Variants in MTARC2 observed in about 807,000 individuals in gnomAD.
The protein encoded by MTARC2 is MOCO sulphurase C-terminal domain containing 2.
In MTARC2, 27 loss-of-function variants were observed where a neutral mutation model predicts 35.6. That is an observed-to-expected ratio of 0.76 (90% confidence interval 0.56 to 1.04). The LOEUF (loss-of-function observed/expected upper bound fraction) is 1.04, where lower values mean the gene tolerates loss of function less well. Ranked by LOEUF, MTARC2 falls within the 50% of genes least tolerant of loss-of-function variation. The probability of loss-of-function intolerance (pLI) is 0.00; values close to 1 mark genes in which losing one functional copy is unlikely to be tolerated. For synonymous variants in MTARC2, 158 were observed against 167.1 expected (o/e 0.95, Z 0.42); for missense variants, 412 against 432.5 (o/e 0.95, Z 0.42).
intron 1 of MTARC2, among the ~76,000 whole-genome samples, chr1:220,752,165 G>A (rs1671141281): frequency 6.6e-6 from 1 of 152,172 alleles, no homozygotes. Flanking sequence ...AGGCCAGGCT[G>A]TGAGCCACGG....
chr1:220,770,745 C>A (rs1454451436), intron 4 of MTARC2, among the ~76,000 whole-genome samples: 4 of 152,220 alleles, frequency 2.6e-5, no homozygotes, highest in Non-Finnish European at 5.9e-5. Context: ...GTGGGACCAC[C>A]CAGCCAAGCC....
rs1032084577 is a variant in MTARC2, at chr1:220,784,184, T to C, written c.*297T>C. 2.3e-6 allele frequency: 1 copy of C among 429,922 alleles called. No homozygotes were observed. Among genetic ancestry groups the C allele is most frequent in the Non-Finnish European group, 4.1e-6 (1 of 241,090 alleles). The allele number at this position is 429,922 out of a possible 1,614,324, so 26.6% of individuals were successfully genotyped here. ...GCTATTTTGAATGTTATCATGGCTA[T>C]TACACTTTTACTTCCTGACTTTAAT... On this transcript the variant is annotated 3_prime_UTR_variant, in exon 8 of 8. Coordinates refer to ENST00000366913, the MANE Select transcript of MTARC2 (RefSeq NM_017898.5).
intron 4 of MTARC2, among the ~76,000 whole-genome samples, chr1:220,777,155 G>A (rs1405301217): frequency 6.6e-6 from 1 of 152,204 alleles, no homozygotes; most frequent in African/African-American, 2.4e-5. Context: ...TCAACTGGTT[G>A]GTTGGACCGT....
Position 220,781,887 on chromosome 1 carries a change from T to C in MTARC2, c.994T>C (p.Tyr332His). 1.2e-6 allele frequency: 2 copies of C among 1,614,190 alleles called. No individual in the cohort carries two copies. Among genetic ancestry groups the C allele is most frequent in the Non-Finnish European group, 1.7e-6 (2 of 1,180,008 alleles). ...IGSLRVGDPV[Y>H]RMV ...AAGCCTGAGAGTTGGTGACCCTGTG[T>C]ATCGGATGGTGTAGTGATGAGTGAT... Residue 332 changes from tyrosine to histidine, a missense_variant, in exon 7 of 8, where the codon TAT (tyrosine) becomes CAT (histidine). Transcript: ENST00000366913.
intron 4 of MTARC2, 111 bp from the exon 5 acceptor site, chr1:220,779,907 T>A (rs547945652): frequency 2.5e-6 from 2 of 803,314 alleles, no homozygotes; most frequent in Admixed American, 3.8e-5. Context: ...TGTCACCTTG[T>A]GCTGCTTTCT....
rs1238284323 is a variant in MTARC2 at position 220,748,349 on chromosome 1, T to C, written c.-183T>C. On this transcript the variant is annotated 5_prime_UTR_variant, in exon 1 of 8. Coordinates refer to ENST00000366913, the MANE Select transcript of MTARC2 (RefSeq NM_017898.5). ...TTACCGCGCAGGCTTGGTCACCGCA[T>C]TAAGGCATTCCCGCTCTCCGCGGAA... is the stretch of plus-strand genomic sequence containing the variant. 1.7e-6 allele frequency: 1 copy of C among 575,420 alleles called. No individual in the cohort carries two copies. Among genetic ancestry groups the C allele is most frequent in the Non-Finnish European group, 2.6e-6 (1 of 383,710 alleles). 35.6% of individuals were successfully genotyped at this position (575,420 alleles called of 1,614,324 possible). A position where few individuals can be genotyped will look rare whatever the true frequency, so the allele number is the denominator to read the frequency against.
chr1:220,771,809 G>T (rs1455263687), intron 4 of MTARC2, among the ~76,000 whole-genome samples: 2 of 151,994 alleles, frequency 1.3e-5, no homozygotes, highest in East Asian at 3.9e-4. Flanking sequence ...TGCACGTGGG[G>T]CTTAAAACCT....
chr1:220,775,644 G>C (rs1054149341), intron 4 of MTARC2, among the ~76,000 whole-genome samples: 22 of 152,096 alleles, frequency 1.4e-4, no homozygotes, highest in Non-Finnish European at 3.1e-4. Flanking sequence ...AATAAGCATA[G>C]TACCCTATAG....
chr1:220,763,897 T>A (rs1190807546), intron 4 of MTARC2, among the ~76,000 whole-genome samples: 1 of 152,204 alleles, frequency 6.6e-6, no homozygotes, highest in South Asian at 2.1e-4. Flanking sequence ...TGTTATACAC[T>A]TTGCCTAGCA....
chr1:220,762,334 C>T (rs939924540), intron 3 of MTARC2, among the ~76,000 whole-genome samples: 2 of 152,150 alleles, frequency 1.3e-5, no homozygotes, highest in South Asian at 2.1e-4. Flanking sequence ...AGAGTGCCGA[C>T]ATGTACGATG....
At chr1:220,762,627 A>T (rs1671469314) in intron 3 of MTARC2, among the ~76,000 whole-genome samples, 1 of 152,116 alleles carries the variant, frequency 6.6e-6, no homozygotes, top group Non-Finnish European at 1.5e-5. Context: ...TGATGGGGGA[A>T]GGGGGTCGCT....
At chr1:220,756,240 C>T (rs1671277671) in intron 2 of MTARC2, 1 of 152,164 alleles carries the variant, frequency 6.6e-6, no homozygotes, top group South Asian at 2.1e-4. Flanking sequence ...CCCTTGTCAC[C>T]AACTGAGCTT....
chr1:220,760,676 T>C (rs532415472), intron 2 of MTARC2, among the ~76,000 whole-genome samples: 52 of 152,358 alleles, frequency 3.4e-4, no homozygotes, highest in African/African-American at 1.1e-3. Context: ...TAAATCATAA[T>C]TGTAATGATA....
chr1:220,772,285 A>G lies in MTARC2; in HGVS notation c.751-7733A>G, dbSNP rs193239365. On this transcript the variant is annotated intron_variant, in intron 4 of 7. Coordinates refer to ENST00000366913, the MANE Select transcript of MTARC2 (RefSeq NM_017898.5). ...GCAGCATTTTAAAGGCTCTCTGTAT[A>G]TATTGCCAAATTGCTTTCCAGAAAC... Among the ~76,000 whole-genome samples the G allele has an allele frequency of 2.0e-5, 3 of 152,326 alleles. No homozygotes were observed. The East Asian group carries it at 5.8e-4, about 29-fold the overall frequency.
At position 220,780,196 on chromosome 1, in the gene MTARC2, A is replaced by C. The variant is rs966859941; in HGVS notation, c.841A>C (p.Thr281Pro). 3 of 1,612,808 alleles carry C rather than the reference A, an allele frequency of 1.9e-6. No individual in the cohort carries two copies. The highest frequency in any genetic ancestry group is 2.5e-6 in the Non-Finnish European group (3 of 1,179,660). The change falls in exon 6 of 8, where the codon ACT (threonine) becomes CCT (proline). Residue 281 changes from threonine (T) to proline (P), a missense_variant. Physicochemically the swap from Thr to Pro is conservative, Grantham distance 38. Transcript: ENST00000366913. ...RCILTTVDPD[T>P]GVIDRKQPLD... ...TATTTTGACAACGGTGGACCCAGAC[A>C]CTGGAGTCATAGACAGGAAACAGCC...
chr1:220,753,050 TAAA>T (rs747375341), intron 1 of MTARC2, among the ~76,000 whole-genome samples: 2 of 106,894 alleles, frequency 1.9e-5, no homozygotes. Flanking sequence ...CTGTCTCTAC[TAAA>T]AAAAAAAAAA....
intron 4 of MTARC2, among the ~76,000 whole-genome samples, chr1:220,779,089 T>C (rs1671995423): frequency 6.6e-6 from 1 of 152,200 alleles, no homozygotes. Flanking sequence ...TCAATTTAAT[T>C]ACTAGGCCCA....
intron 1 of MTARC2, among the ~76,000 whole-genome samples, chr1:220,753,550 T>C (rs1436904909): frequency 6.6e-6 from 1 of 152,144 alleles, no homozygotes; most frequent in Non-Finnish European, 1.5e-5. Context: ...ATATTGGATG[T>C]CCTCCTGAGG....
intron 1 of MTARC2, among the ~76,000 whole-genome samples, chr1:220,749,433 T>TC (rs1558061122): frequency 1.3e-4 from 15 of 111,558 alleles, no homozygotes; most frequent in African/African-American, 8.4e-4. Flanking sequence ...TCTTCTTTTT[T>TC]TTTTTTTTTT....
Sources: allele counts gnomAD v4.1 joint callset (sites outside exome capture counted in the v4.1 genomes callset), GRCh38; gene constraint gnomAD v4.1.1; transcripts MANE v1.5; gene names NCBI Gene and HGNC (gene_info 2026-07-23, HGNC 2026-07-21).